Variants in TOP1MT observed in about 807,000 individuals in gnomAD.
TOP1MT encodes the protein DNA topoisomerase I mitochondrial, also known as DNA topoisomerase I, mitochondrial.
In TOP1MT, 80 loss-of-function variants were observed where a neutral mutation model predicts 73.9. The observed-to-expected ratio is 1.08, with a 90% CI of 0.90 to 1.30. The LOEUF is 1.30. TOP1MT is among the 50% of genes most tolerant of loss of function. TOP1MT has a pLI of 0.00. For synonymous variants in TOP1MT, 338 were observed against 326.4 expected, an observed-to-expected ratio of 1.04 and a Z score of -0.38; for missense variants, 815 against 808.0, an observed-to-expected ratio of 1.01 and a Z score of -0.10.
intron 12 of TOP1MT, among the ~76,000 whole-genome samples, chr8:143,315,182 G>C (rs1000388578): frequency 6.6e-6 from 1 of 152,154 alleles, no homozygotes; most frequent in East Asian, 1.9e-4. Context: ...AGTCAGGCTC[G>C]CCCGCAGTTA....
chr8:143,338,254 G>C (rs970035189), upstream of TOP1MT, among the ~76,000 whole-genome samples: 3 of 151,848 alleles, frequency 2.0e-5, no homozygotes. Flanking sequence ...CTGAACAACA[G>C]GCTCCATCTC....
rs1298199146 is a variant in TOP1MT at position 143,324,118 on chromosome 8, C to G, written c.841G>C (p.Glu281Gln). Residue 281 changes from glutamate to glutamine, a missense_variant, in exon 7 of 14, where the codon GAA (glutamate) becomes CAA (glutamine). Transcript: ENST00000329245. ...LKGETAWQKF[E>Q]TARRLRGFVD... ...AATCCCCGCAGGCGTCGAGCTGTTT[C>G]AAACTTCTGCCAAGCTGTCTCCCCC... 6.2e-7 allele frequency: 1 copy of G among 1,613,730 alleles called. No homozygotes were observed. Among genetic ancestry groups the G allele is most frequent in the African/African-American group, 1.3e-5 (1 of 74,954 alleles).
upstream of TOP1MT, among the ~76,000 whole-genome samples, chr8:143,338,643 A>C (rs1817023363): frequency 6.6e-6 from 1 of 152,240 alleles, no homozygotes; most frequent in Non-Finnish European, 1.5e-5. Context: ...GAGATATAAA[A>C]GGCCAACAAT....
At position 143,309,410 on chromosome 8, in the gene TOP1MT, CAT is replaced by C. The variant is rs1402114326; in HGVS notation, c.*29_*30del. ...TTTAATAGTGAAAAAAACACACACA[CAT>C]ACAAAAGAAGTTTCAACACGGCTCG... On this transcript the variant is annotated 3_prime_UTR_variant, in exon 14 of 14. Coordinates refer to ENST00000329245, the MANE Select transcript of TOP1MT (RefSeq NM_052963.3). The C allele has an allele frequency of 1.2e-6, 2 of 1,603,562 alleles. No homozygotes were observed. Among genetic ancestry groups the C allele is most frequent in the Non-Finnish European group, 8.5e-7 (1 of 1,172,998 alleles).
chr8:143,323,889 A>C, intron 7 of TOP1MT, 110 bp downstream of exon 7: 1 of 1,221,306 alleles, frequency 8.2e-7, no homozygotes, highest in Non-Finnish European at 1.2e-6. Flanking sequence ...CATCAGAATG[A>C]GGTTCCACCC....
chr8:143,318,472 T>C (rs1030531920), intron 8 of TOP1MT, among the ~76,000 whole-genome samples: 1 of 152,284 alleles, frequency 6.6e-6, no homozygotes, highest in South Asian at 2.1e-4. Flanking sequence ...TCGGGGTTCC[T>C]GTGTCCAACC....
At chr8:143,332,184 T>G (rs543878130) in intron 1 of TOP1MT, among the ~76,000 whole-genome samples, 233 of 152,350 alleles carry the variant, frequency 1.5e-3, no homozygotes, top group African/African-American at 5.4e-3. Flanking sequence ...AGCACTGCGC[T>G]GGGTCCTGCG....
intron 2 of TOP1MT, among the ~76,000 whole-genome samples, 191 bp downstream of exon 2, chr8:143,331,033 C>T (rs1816839179): frequency 6.6e-6 from 1 of 152,146 alleles, no homozygotes; most frequent in Non-Finnish European, 1.5e-5. Context: ...ACGGGAGCCC[C>T]CGAACTGCCA....
At chr8:143,320,055 C>T (rs1382672696) in intron 8 of TOP1MT, among the ~76,000 whole-genome samples, 1 of 151,606 alleles carries the variant, frequency 6.6e-6, no homozygotes, top group African/African-American at 2.4e-5. Flanking sequence ...ACCCAGGAGG[C>T]GGAGGTCGCA....
At chr8:143,331,147 G>T (rs78855951) in intron 2 of TOP1MT, 77 bp downstream of exon 2, 42 of 1,172,478 alleles carry the variant, frequency 3.6e-5, no homozygotes, top group Non-Finnish European at 4.9e-5. Context: ...CTGAGGGAGC[G>T]AGCCAGATGC....
chr8:143,359,231 G>T (rs570234712), upstream of TOP1MT: 2 of 984,532 alleles, frequency 2.0e-6, no homozygotes, highest in African/African-American at 1.8e-5. Context: ...CTTTAGATGC[G>T]CCAGACCAAA....
In TOP1MT at chr8:143,340,752, C is replaced by G. The variant is rs115216114; in HGVS notation, c.29+2468G>C. 8.8e-3 allele frequency among the ~76,000 whole-genome samples: 1,335 copies of G among 152,342 alleles called. 15 individuals carry two copies. Among genetic ancestry groups the G allele is most frequent in the African/African-American group, 0.029 (1,225 of 41,576 alleles). ...GGTTTTCGAGTCCCCTCTTCCCCAG[C>G]TTTGTCTGTCTCCCTCTTCTTTTCT... is the stretch of plus-strand genomic sequence containing the variant. On this transcript the variant is annotated intron_variant, in intron 2 of 5. Transcript: ENST00000518007.
At chr8:143,336,130 T>C (rs1816977938), upstream of TOP1MT, among the ~76,000 whole-genome samples, 1 of 152,276 alleles carries the variant, frequency 6.6e-6, no homozygotes, top group Non-Finnish European at 1.5e-5. Context: ...GAGGTCAATG[T>C]GTTTTCCAGT....
chr8:143,357,993 C>T (rs1817440755), upstream of TOP1MT, among the ~76,000 whole-genome samples: 2 of 151,386 alleles, frequency 1.3e-5, no homozygotes, highest in Admixed American at 6.6e-5. Flanking sequence ...GAGGCTGAGG[C>T]GGAGGATCAC....
At chr8:143,321,956 C>CGCCACACACGCAT (rs1816423817) in intron 7 of TOP1MT, among the ~76,000 whole-genome samples, 1 of 130,482 alleles carries the variant, frequency 7.7e-6, no homozygotes, top group African/African-American at 3.0e-5. Flanking sequence ...CACACACGCA[C>CGCCACACACGCAT]GCCACACACA....
Position 143,334,733 on chromosome 8 carries a change from A to C in TOP1MT, c.122+7T>G. Reference sequence around the variant, plus strand: ...GCCCTCGCCGCCTGCTCACTGGGACACCTTACCTGGCTCCACTGCCCTTCT... The same window carrying C: ...GCCCTCGCCGCCTGCTCACTGGGACCCCTTACCTGGCTCCACTGCCCTTCT... On this transcript the variant is annotated splice_region_variant and intron_variant, in intron 1 of 13. Coordinates refer to ENST00000329245, the MANE Select transcript of TOP1MT (RefSeq NM_052963.3). The C allele has an allele frequency of 6.2e-7, 1 of 1,600,102 alleles. No homozygotes were observed. The highest frequency in any genetic ancestry group is 8.5e-7 in the Non-Finnish European group (1 of 1,174,368).
intron 3 of TOP1MT, chr8:143,327,499 G>A (rs574994961): frequency 1.2e-5 from 2 of 162,878 alleles, no homozygotes; most frequent in South Asian, 2.9e-4. Context: ...GGGATGATCC[G>A]CCTCTTCCGA....
rs1817179895 is a variant in TOP1MT, at chr8:143,344,156, C to G, written c.-39+760G>C. On this transcript the variant is annotated intron_variant, in intron 1 of 5. Transcript: ENST00000518007. This position sits in a 1 kb window ranked among gnomAD's most constrained non-coding sequence, Gnocchi z 4.6. ...GGAATCTAGGCCCTCAAGGATGGGG[C>G]CCTCAAAGATGACACCAAGGTCTGT... The G allele has an allele frequency of 6.6e-6, 1 of 152,182 alleles. No individual in the cohort carries two copies. Among genetic ancestry groups the G allele is most frequent in the South Asian group, 2.1e-4 (1 of 4,830 alleles). 9.4% of individuals were successfully genotyped at this position (152,182 alleles called of 1,614,324 possible).
chr8:143,346,232 G>C (rs1368636816), upstream of TOP1MT, among the ~76,000 whole-genome samples: 1 of 152,188 alleles, frequency 6.6e-6, no homozygotes, highest in Non-Finnish European at 1.5e-5. Flanking sequence ...TGAAGCTCAG[G>C]AGTGAAGAGG....
Sources: gnomAD v4.1 joint callset for allele counts (sites outside exome capture counted in the v4.1 genomes callset) on GRCh38, gnomAD v4.1.1 for gene constraint, Gnocchi (gnomAD v3.1) non-coding constraint, MANE v1.5 for transcripts, NCBI Gene and HGNC (gene_info 2026-07-23, HGNC 2026-07-21) for gene names.